The following SYBU variants were observed in gnomAD, a reference collection of about 807,000 sequenced individuals.
The protein encoded by SYBU is syntabulin.
A neutral mutation model predicts 35.9 loss-of-function variants in SYBU; 21 were observed. That is an observed-to-expected ratio of 0.58 (90% CI 0.41 to 0.84). The LOEUF is 0.84. SYBU is among the 40% of genes least tolerant of loss of function. The pLI is 0.00. For missense variants in SYBU, 768 were observed against 848.2 expected, an observed-to-expected ratio of 0.91 and a Z score of 1.17; for synonymous variants, 319 against 324.3, an observed-to-expected ratio of 0.98 and a Z score of 0.18.
intron 1 of SYBU, among the ~76,000 whole-genome samples, chr8:109,690,597 G>A (rs903933430): frequency 2.0e-5 from 3 of 152,126 alleles, no homozygotes; most frequent in African/African-American, 4.8e-5. Context: ...GAAGATAAAA[G>A]CAACGATTTT....
intron 2 of SYBU, among the ~76,000 whole-genome samples, chr8:109,621,970 T>C (rs902630580): frequency 3.3e-5 from 5 of 152,180 alleles, no homozygotes; most frequent in African/African-American, 1.2e-4. Context: ...GAAGAAGTTA[T>C]CTTTACAAGT....
At chr8:109,668,275 C>G (rs927364637) in intron 1 of SYBU, among the ~76,000 whole-genome samples, 1 of 150,492 alleles carries the variant, frequency 6.6e-6, no homozygotes, top group Admixed American at 6.6e-5. Context: ...GATTTGCTGT[C>G]TCCTTGGTTC....
At chr8:109,660,629 A>G (rs1197046304) in intron 1 of SYBU, among the ~76,000 whole-genome samples, 1 of 151,826 alleles carries the variant, frequency 6.6e-6, no homozygotes, top group Non-Finnish European at 1.5e-5. Context: ...AAAGAAGTAA[A>G]TGGCAATATT....
In SYBU at chr8:109,616,006, CTT is replaced by C. The variant is rs35120699; in HGVS notation, c.427+2834_427+2835del. Among the ~76,000 whole-genome samples the C allele has an allele frequency of 1.5e-4, 10 of 67,760 alleles. No homozygotes were observed. The East Asian group carries it at 1.8e-3, about 12-fold the overall frequency. 44.5% of individuals were successfully genotyped at this position (67,760 alleles called of 152,430 possible). On this transcript the variant is annotated intron_variant, in intron 3 of 6. Coordinates refer to ENST00000276646, the MANE Select transcript of SYBU (RefSeq NM_001099754.2). The stretch of plus-strand genomic sequence containing the variant: ...TAATTTCTTTTCTTTTCTTTTCTTT[CTT>C]TTTTTTTTTTTTTTTTTTTTTGAGA...
intron 1 of SYBU, among the ~76,000 whole-genome samples, chr8:109,688,992 T>G (rs553725843): frequency 2.0e-5 from 3 of 152,280 alleles, no homozygotes; most frequent in African/African-American, 7.2e-5. Context: ...TAAAGTTATA[T>G]GCAGGTGTTA....
chr8:109,666,038 C>A (rs1269261106), intron 1 of SYBU, among the ~76,000 whole-genome samples: 1 of 152,154 alleles, frequency 6.6e-6, no homozygotes, highest in African/African-American at 2.4e-5. Context: ...GTTTCCAAAG[C>A]ATATTTAATA....
intron 2 of SYBU, among the ~76,000 whole-genome samples, chr8:109,629,881 T>C (rs1218865027): frequency 6.6e-6 from 1 of 152,204 alleles, no homozygotes; most frequent in Admixed American, 6.5e-5. Context: ...TGATTTGCAT[T>C]TCTCTGATGG....
intron 2 of SYBU, among the ~76,000 whole-genome samples, chr8:109,641,394 G>A (rs1419095502): frequency 6.6e-6 from 1 of 152,190 alleles, no homozygotes; most frequent in Admixed American, 6.5e-5. Context: ...GAACATTTAG[G>A]TACTGGTCTC....
intron 1 of SYBU, among the ~76,000 whole-genome samples, chr8:109,675,737 T>C (rs1399198595): frequency 6.6e-6 from 1 of 152,222 alleles, no homozygotes; most frequent in Admixed American, 6.5e-5. Flanking sequence ...CTGTTCCTTC[T>C]GAAATCATTC....
In SYBU at chr8:109,636,363, T is replaced by C. The variant is rs970124842; in HGVS notation, c.229+6365A>G. On this transcript the variant is annotated intron_variant, in intron 2 of 6. Transcript: ENST00000276646. Reference sequence around the variant, plus strand: ...TGAAAGGGACTGGGACACAGGTGAGTAAAAGTAGTACTGTGGAAATCCCAT... The same window carrying C: ...TGAAAGGGACTGGGACACAGGTGAGCAAAAGTAGTACTGTGGAAATCCCAT... Among the ~76,000 whole-genome samples the C allele has an allele frequency of 2.6e-5, 4 of 152,132 alleles. No individual in the cohort carries two copies. In the East Asian group the frequency reaches 7.7e-4, roughly 29 times the overall value.
intron 1 of SYBU, among the ~76,000 whole-genome samples, chr8:109,678,436 T>A (rs1376959153): frequency 1.5e-4 from 2 of 12,950 alleles, no homozygotes; most frequent in Admixed American, 1.2e-3. Flanking sequence ...CAAATAACCT[T>A]TTTTTTTTTT....
chr8:109,652,232 A>C (rs1816172777), intron 1 of SYBU, among the ~76,000 whole-genome samples: 1 of 152,184 alleles, frequency 6.6e-6, no homozygotes, highest in African/African-American at 2.4e-5. Flanking sequence ...TGAGATGTTC[A>C]GGGGTGAGTT....
At chr8:109,654,072 A>AT (rs920818366) in intron 1 of SYBU, among the ~76,000 whole-genome samples, 6 of 151,884 alleles carry the variant, frequency 4.0e-5, no homozygotes, top group Admixed American at 1.3e-4. Context: ...ACTTTAATCC[A>AT]TTTTTTTTAC....
chr8:109,603,614 G>T (rs1231057788), intron 3 of SYBU, among the ~76,000 whole-genome samples: 1 of 151,964 alleles, frequency 6.6e-6, no homozygotes, highest in African/African-American at 2.4e-5. Context: ...AAAATAAAAT[G>T]GAAAAGCAAA....
intron 1 of SYBU, among the ~76,000 whole-genome samples, chr8:109,655,583 T>C (rs543310057): frequency 6.6e-6 from 1 of 152,334 alleles, no homozygotes; most frequent in East Asian, 1.9e-4. Context: ...CTCATTTCTC[T>C]TGAGTGAGAA....
chr8:109,631,912 T>G (rs1355460582), intron 2 of SYBU, among the ~76,000 whole-genome samples: 1 of 152,142 alleles, frequency 6.6e-6, no homozygotes, highest in Non-Finnish European at 1.5e-5. Flanking sequence ...TTCTAGGCCA[T>G]GCCTTTTTAA....
At chr8:109,677,971 C>T (rs1008256717) in intron 1 of SYBU, among the ~76,000 whole-genome samples, 1 of 151,690 alleles carries the variant, frequency 6.6e-6, no homozygotes, top group Non-Finnish European at 1.5e-5. Context: ...CCCATCTCTA[C>T]TAAAAAGACA....
In SYBU at chr8:109,579,886, A is replaced by G. The variant is rs1203271248; in HGVS notation, c.647T>C (p.Val216Ala). 1.2e-6 allele frequency: 2 copies of G among 1,609,190 alleles called. No individual in the cohort carries two copies. The highest frequency in any genetic ancestry group is 3.3e-5 in the Admixed American group (2 of 59,856). The change falls in exon 5 of 7, where the codon GTC becomes GCC. Residue 216 changes from valine (V) to alanine (A), a missense_variant. Transcript: ENST00000276646. ...SMLCRNQLSP[V>A]NIHPSYAPSS... ...AGGTGCATAACTGGGATGGATATTGACAGGGCTCAGCTGATTCCTGCACAG... is the reference window on the plus strand; with the variant it reads ...AGGTGCATAACTGGGATGGATATTGGCAGGGCTCAGCTGATTCCTGCACAG...
chr8:109,578,624 G>T (rs182536815), intron 5 of SYBU, among the ~76,000 whole-genome samples: 1 of 152,172 alleles, frequency 6.6e-6, no homozygotes, highest in East Asian at 1.9e-4. Flanking sequence ...GACCGTGGAG[G>T]AGGAGAATTC....
Sources: allele counts gnomAD v4.1 joint callset (sites outside exome capture counted in the v4.1 genomes callset), GRCh38; gene constraint gnomAD v4.1.1; transcripts MANE v1.5; gene names NCBI Gene and HGNC (gene_info 2026-07-23, HGNC 2026-07-21).